NFASC: variants seen among roughly 807,000 people sequenced by gnomAD.
NFASC encodes neurofascin homolog.
A neutral mutation model predicts 147.5 loss-of-function variants in NFASC; 43 were observed. That is an observed-to-expected ratio of 0.29 (90% CI 0.23 to 0.38). The LOEUF is 0.38. Ranked by LOEUF, NFASC falls within the 10% of genes least tolerant of loss-of-function variation. NFASC has a pLI of 1.00. For missense variants in NFASC, 1,320 were observed against 1,689.0 expected, an observed-to-expected ratio of 0.78 and a Z score of 3.83; for synonymous variants, 622 against 665.5, an observed-to-expected ratio of 0.93 and a Z score of 1.01.
chr1:204,854,334 G>A (rs1055966068), intron 1 of NFASC, among the ~76,000 whole-genome samples: 1 of 152,144 alleles, frequency 6.6e-6, no homozygotes, highest in Non-Finnish European at 1.5e-5. Context: ...AAGGGAGCTG[G>A]CACCTGGGAA....
At chr1:204,951,126 A>C (rs1165113810) in intron 4 of NFASC, among the ~76,000 whole-genome samples, 1 of 150,582 alleles carries the variant, frequency 6.6e-6, no homozygotes, top group Non-Finnish European at 1.5e-5. Flanking sequence ...TCTGGCCTTC[A>C]GTTTCTCCTC....
At chr1:204,983,684 C>G (rs191229118) in intron 21 of NFASC, among the ~76,000 whole-genome samples, 1 of 152,138 alleles carries the variant, frequency 6.6e-6, no homozygotes, top group Non-Finnish European at 1.5e-5. Context: ...AAGGGAACCC[C>G]GCTGATAAGG....
intron 1 of NFASC, among the ~76,000 whole-genome samples, chr1:204,864,186 T>C (rs2076932087): frequency 6.6e-6 from 1 of 152,250 alleles, no homozygotes; most frequent in Non-Finnish European, 1.5e-5. Flanking sequence ...GGTTGAAATG[T>C]ATCAGAACTT....
intron 8 of NFASC, among the ~76,000 whole-genome samples, chr1:204,964,232 T>A (rs1421783219): frequency 6.6e-6 from 1 of 152,234 alleles, no homozygotes; most frequent in Non-Finnish European, 1.5e-5. Context: ...AGGATTGTTG[T>A]GAAGATTAAA....
chr1:204,835,197 A>G (rs1673339088), intron 1 of NFASC, among the ~76,000 whole-genome samples: 1 of 149,442 alleles, frequency 6.7e-6, no homozygotes, highest in Non-Finnish European at 1.5e-5. Context: ...TGCAAGAGGA[A>G]GTACTTGAGG....
At position 204,968,524 on chromosome 1, in the gene NFASC, C is replaced by A. The variant is rs140078688; in HGVS notation, c.818+164C>A. 1,323 of 625,694 alleles carry A rather than the reference C, an allele frequency of 2.1e-3. No individual in the cohort carries two copies. The highest frequency in any genetic ancestry group is 3.1e-3 in the South Asian group (159 of 51,182). 38.8% of individuals were successfully genotyped at this position (625,694 alleles called of 1,614,324 possible). A position where few individuals can be genotyped will look rare whatever the true frequency, so the allele number is the denominator to read the frequency against. On this transcript the variant is annotated intron_variant, in intron 9 of 29. Transcript: ENST00000339876. The surrounding 1 kb of genome is among the most constrained non-coding windows in gnomAD (Gnocchi z 5.4). The stretch of plus-strand genomic sequence containing the variant: ...AGGGTGTTGCAAACCATAGTCATCT[C>A]CATCCTATCCTGGCCATCTCTGTTT...
At chr1:204,879,939 T>G (rs1558559145) in intron 1 of NFASC, among the ~76,000 whole-genome samples, 1 of 152,210 alleles carries the variant, frequency 6.6e-6, no homozygotes. Flanking sequence ...CTGTGGGCTC[T>G]CGGCTGTGGG....
chr1:204,840,219 G>T (rs2102482835), intron 1 of NFASC, among the ~76,000 whole-genome samples: 1 of 152,280 alleles, frequency 6.6e-6, no homozygotes, highest in East Asian at 1.9e-4. Flanking sequence ...CACTTTGATG[G>T]ACAAGGCCCT....
chr1:204,933,425 G>A (rs1343485540), intron 2 of NFASC, among the ~76,000 whole-genome samples: 2 of 152,130 alleles, frequency 1.3e-5, no homozygotes, highest in Non-Finnish European at 2.9e-5. Context: ...TGACTTGGGT[G>A]GGTACCACCA....
intron 21 of NFASC, chr1:204,985,965 G>A (rs1365328635): frequency 6.2e-7 from 1 of 1,614,008 alleles, no homozygotes; most frequent in Non-Finnish European, 8.5e-7. Flanking sequence ...TCTCAGAAGA[G>A]ACAGCAAGCC....
In NFASC at chr1:205,016,261, C is replaced by A; in HGVS notation, c.3492-47C>A. On this transcript the variant is annotated intron_variant, in intron 29 of 29. Transcript: ENST00000339876. This position sits in a 1 kb window ranked among gnomAD's most constrained non-coding sequence, Gnocchi z 5.1. ...AGGGCATGTGCTGGCAGGAGGCCAG[C>A]TGCCCCATCTCACCCCACCTGAGAT... is the stretch of plus-strand genomic sequence containing the variant. The A allele has an allele frequency of 7.3e-7, 1 of 1,360,688 alleles. No individual in the cohort carries two copies. Among genetic ancestry groups the A allele is most frequent in the Non-Finnish European group, 1.1e-6 (1 of 950,884 alleles). 84.3% of individuals were successfully genotyped at this position (1,360,688 alleles called of 1,614,324 possible). A position where few individuals can be genotyped will look rare whatever the true frequency, so the allele number is the denominator to read the frequency against.
intron 3 of NFASC, among the ~76,000 whole-genome samples, chr1:204,945,435 C>G (rs936142668): frequency 2.0e-5 from 3 of 152,204 alleles, no homozygotes; most frequent in African/African-American, 7.2e-5. Flanking sequence ...AAGCCAGACC[C>G]CTGGTCCTGG....
intron 1 of NFASC, among the ~76,000 whole-genome samples, chr1:204,905,870 A>G (rs1395789309): frequency 5.9e-5 from 9 of 152,218 alleles, no homozygotes. Context: ...GTTGCAATAT[A>G]TAAGAAATAT....
At chr1:204,953,097 C>T (rs746198182) in intron 5 of NFASC, among the ~76,000 whole-genome samples, 3 of 152,194 alleles carry the variant, frequency 2.0e-5, no homozygotes, top group Non-Finnish European at 1.5e-5. Flanking sequence ...AATCCTGTGG[C>T]ACTGAGCAGC....
chr1:205,010,003 T>A lies in NFASC; in HGVS notation c.3421+315T>A, dbSNP rs551637739. The A allele has an allele frequency of 3.2e-6, 1 of 316,498 alleles. No homozygotes were observed. The highest frequency in any genetic ancestry group is 2.1e-5 in the African/African-American group (1 of 47,760). The allele number at this position is 316,498 out of a possible 1,614,324, so 19.6% of individuals were successfully genotyped here. ...CCATCTGTTCTATAAATTGGCTTTT[T>A]TTCAGCCTGAATCTCATTAGGATCC... On this transcript the variant is annotated intron_variant, in intron 28 of 29. Coordinates refer to ENST00000339876, the MANE Select transcript of NFASC (RefSeq NM_001005388.3). The surrounding 1 kb of genome is among the most constrained non-coding windows in gnomAD (Gnocchi z 4.1).
intron 2 of NFASC, among the ~76,000 whole-genome samples, chr1:204,931,522 G>A (rs538561480): frequency 2.0e-5 from 3 of 152,218 alleles, no homozygotes; most frequent in East Asian, 1.9e-4. Context: ...TTCTCCCTTG[G>A]TTCTTGTAGT....
chr1:204,954,431 G>A lies in NFASC; in HGVS notation c.412+47G>A, dbSNP rs149882320. ...TGAAATGCCCTGCTCCTGGGTAAATGGAGAGTGGGGGGTGTGGAAGGCCAT... is the reference window on the plus strand; with the variant it reads ...TGAAATGCCCTGCTCCTGGGTAAATAGAGAGTGGGGGGTGTGGAAGGCCAT... On this transcript the variant is annotated intron_variant, in intron 6 of 29. Coordinates refer to ENST00000339876, the MANE Select transcript of NFASC (RefSeq NM_001005388.3). The surrounding 1 kb of genome is among the most constrained non-coding windows in gnomAD (Gnocchi z 5.7). 2,927 of 1,572,218 alleles carry A rather than the reference G, an allele frequency of 1.9e-3. 89 individuals carry two copies. The Admixed American group carries it at 0.042, about 22-fold the overall frequency.
At chr1:204,844,609 G>C (rs1406828376) in intron 1 of NFASC, among the ~76,000 whole-genome samples, 1 of 152,148 alleles carries the variant, frequency 6.6e-6, no homozygotes, top group East Asian at 1.9e-4. Context: ...GGCTGGGCGC[G>C]GTGGCTCATG....
At chr1:204,880,034 G>A (rs995796627) in intron 1 of NFASC, among the ~76,000 whole-genome samples, 5 of 152,160 alleles carry the variant, frequency 3.3e-5, no homozygotes, top group African/African-American at 9.7e-5. Context: ...CCTTGTGAGT[G>A]TGAACACATT....
Sources: gnomAD v4.1 joint callset for allele counts (sites outside exome capture counted in the v4.1 genomes callset) on GRCh38, gnomAD v4.1.1 for gene constraint, Gnocchi (gnomAD v3.1) non-coding constraint, MANE v1.5 for transcripts, NCBI Gene and HGNC (gene_info 2026-07-23, HGNC 2026-07-21) for gene names.